The following SGTB variants were observed in gnomAD, a reference collection of about 807,000 sequenced individuals.
SGTB encodes the protein small glutamine rich tetratricopeptide repeat co-chaperone beta.
In SGTB, 19 loss-of-function variants were observed where a neutral mutation model predicts 43.9. The observed-to-expected ratio is 0.43, with a 90% CI of 0.30 to 0.63. The LOEUF (loss-of-function observed/expected upper bound fraction) is 0.63, where lower values mean the gene tolerates loss of function less well. Among genes scored for constraint, SGTB ranks in the 30% least tolerant of loss-of-function variants. SGTB has a pLI of 0.12. For synonymous variants in SGTB, 116 were observed against 117.3 expected (o/e 0.99, Z 0.07); for missense variants, 304 against 358.9 (o/e 0.85, Z 1.24).
chr5:65,688,145 G>T (rs572716322), intron 5 of SGTB, among the ~76,000 whole-genome samples: 1 of 152,228 alleles, frequency 6.6e-6, no homozygotes, highest in South Asian at 2.1e-4. Context: ...TGAGAGAAAA[G>T]GAGTTAATGG....
At chr5:65,702,173 T>C (rs1757838124) in intron 5 of SGTB, among the ~76,000 whole-genome samples, 1 of 152,140 alleles carries the variant, frequency 6.6e-6, no homozygotes, top group Non-Finnish European at 1.5e-5. Flanking sequence ...AACAGGGTTG[T>C]ACAGCAATCC....
intron 6 of SGTB, 60 bp from the exon 7 acceptor site, chr5:65,680,854 A>C: frequency 6.7e-7 from 1 of 1,495,900 alleles, no homozygotes; most frequent in Non-Finnish European, 9.1e-7. Context: ...AGGACATCAC[A>C]AACATCGTCA....
rs555914086 is a variant in SGTB, at chr5:65,698,155, C to A, written c.374+6124G>T. ...TGGCTAGGATGGTAATTTTCAATAT[C>A]TTGATAGAATTTTAGGTTATACAGG... On this transcript the variant is annotated intron_variant, in intron 5 of 10. Transcript: ENST00000381007. Among the ~76,000 whole-genome samples, 13 of 152,246 alleles carry A rather than the reference C, an allele frequency of 8.5e-5. No homozygotes were observed. In the South Asian group the frequency reaches 2.5e-3, roughly 29 times the overall value.
chr5:65,667,372 TAAC>T lies in SGTB; in HGVS notation c.*2871_*2873del, dbSNP rs1051951588. ...CTCAAGATAGTTATGCTAGAAACTT[TAAC>T]TTCTTATTCAACACTGAATATGAGT... On this transcript the variant is annotated 3_prime_UTR_variant, in exon 11 of 11. Coordinates refer to ENST00000381007, the MANE Select transcript of SGTB (RefSeq NM_019072.3). 16 of 152,350 alleles carry T rather than the reference TAAC, an allele frequency of 1.1e-4. No individual in the cohort carries two copies. Among genetic ancestry groups the T allele is most frequent in the African/African-American group, 3.1e-4 (13 of 41,578 alleles). The allele number at this position is 152,350 out of a possible 1,614,324, so 9.4% of individuals were successfully genotyped here. A position where few individuals can be genotyped will look rare whatever the true frequency, so the allele number is the denominator to read the frequency against.
chr5:65,700,451 G>A (rs1316644130), intron 5 of SGTB, among the ~76,000 whole-genome samples: 3 of 150,938 alleles, frequency 2.0e-5, no homozygotes, highest in African/African-American at 7.3e-5. Flanking sequence ...GGTGGATCAC[G>A]AGGTCAGGAG....
rs566667543 is a variant in SGTB, at chr5:65,697,890, G to C, written c.374+6389C>G. Among the ~76,000 whole-genome samples the C allele has an allele frequency of 3.4e-3, 523 of 152,226 alleles. 4 individuals are homozygous for C. Among genetic ancestry groups the C allele is most frequent in the African/African-American group, 0.012 (478 of 41,528 alleles). On this transcript the variant is annotated intron_variant, in intron 5 of 10. Transcript: ENST00000381007. ...TAGAATATTATTGATCAATAAAAAAGAATGAACTAATACATGCCACAACAT... is the reference window on the plus strand; with the variant it reads ...TAGAATATTATTGATCAATAAAAAACAATGAACTAATACATGCCACAACAT...
At chr5:65,720,979 A>T (rs1758262079) in intron 1 of SGTB, 150 bp from the exon 2 acceptor site, 2 of 829,078 alleles carry the variant, frequency 2.4e-6, no homozygotes, top group Non-Finnish European at 3.6e-6. Flanking sequence ...TTCTCTTTGT[A>T]AAGAGTCAGG....
chr5:65,699,045 A>G (rs932632063), intron 5 of SGTB, among the ~76,000 whole-genome samples: 35 of 147,326 alleles, frequency 2.4e-4, no homozygotes, highest in Non-Finnish European at 4.9e-4. Context: ...CCACCCAAAG[A>G]AAAAAAAATC....
intron 8 of SGTB, among the ~76,000 whole-genome samples, chr5:65,672,754 A>C (rs2150702166): frequency 6.6e-6 from 1 of 152,342 alleles, no homozygotes; most frequent in South Asian, 2.1e-4. Flanking sequence ...CTATTTTGAA[A>C]GCATCACATT....
intron 3 of SGTB, among the ~76,000 whole-genome samples, chr5:65,712,611 G>A (rs573128612): frequency 2.0e-5 from 3 of 152,176 alleles, no homozygotes; most frequent in South Asian, 2.1e-4. Flanking sequence ...TGTATTCCAC[G>A]TTTTAGGGAA....
chr5:65,691,201 A>G (rs955532406), intron 5 of SGTB, among the ~76,000 whole-genome samples: 6 of 152,290 alleles, frequency 3.9e-5, no homozygotes, highest in African/African-American at 1.2e-4. Flanking sequence ...CAAAAAATCA[A>G]TTTCCTAGCT....
chr5:65,671,456 A>C (rs1438247633), intron 10 of SGTB, among the ~76,000 whole-genome samples: 1 of 152,168 alleles, frequency 6.6e-6, no homozygotes, highest in Non-Finnish European at 1.5e-5. Flanking sequence ...TGAATGTGCT[A>C]TGGGTTCCTT....
At chr5:65,681,257 T>C (rs563808483) in intron 6 of SGTB, among the ~76,000 whole-genome samples, 2 of 152,108 alleles carry the variant, frequency 1.3e-5, no homozygotes, top group Admixed American at 6.6e-5. Flanking sequence ...ATATCAATTT[T>C]CCATTAAGAA....
chr5:65,698,187 T>C (rs1379902584), intron 5 of SGTB, among the ~76,000 whole-genome samples: 1 of 152,224 alleles, frequency 6.6e-6, no homozygotes, highest in African/African-American at 2.4e-5. Flanking sequence ...CAGGTGTATG[T>C]ATTTGTCAAA....
intron 5 of SGTB, among the ~76,000 whole-genome samples, chr5:65,689,141 T>C (rs562066534): frequency 6.6e-6 from 1 of 152,316 alleles, no homozygotes; most frequent in South Asian, 2.1e-4. Context: ...TAGTTAAAAT[T>C]TATCTTTAAT....
chr5:65,685,621 T>C, intron 5 of SGTB, 149 bp from the exon 6 acceptor site: 1 of 586,560 alleles, frequency 1.7e-6, no homozygotes, highest in East Asian at 2.8e-5. Context: ...GATAATTATG[T>C]AATAAAATGA....
Position 65,672,005 on chromosome 5 carries a change from T to C in SGTB, c.720-7A>G. The C allele has an allele frequency of 8.7e-6, 14 of 1,613,678 alleles. No individual in the cohort carries two copies. The highest frequency in any genetic ancestry group is 1.2e-5 in the Non-Finnish European group (14 of 1,179,766). On this transcript the variant is annotated splice_polypyrimidine_tract_variant and splice_region_variant and intron_variant, in intron 9 of 10. Coordinates refer to ENST00000381007, the MANE Select transcript of SGTB (RefSeq NM_019072.3). ...TGTCATCATTCCTGACATTCTAGAG[T>C]ACACAAGAAATACATCACTGGGATT...
intron 8 of SGTB, among the ~76,000 whole-genome samples, chr5:65,679,987 C>T (rs1269044694): frequency 6.6e-6 from 1 of 152,142 alleles, no homozygotes; most frequent in Non-Finnish European, 1.5e-5. Context: ...GCAGCCAAAA[C>T]AAGAAATAAG....
chr5:65,672,725 CA>C (rs1311187884), intron 8 of SGTB, among the ~76,000 whole-genome samples: 1 of 152,186 alleles, frequency 6.6e-6, no homozygotes, highest in Non-Finnish European at 1.5e-5. Flanking sequence ...TTTATGTGCA[CA>C]CATACTTTTA....
Sources: allele counts gnomAD v4.1 joint callset (sites outside exome capture counted in the v4.1 genomes callset), GRCh38; gene constraint gnomAD v4.1.1; transcripts MANE v1.5; gene names NCBI Gene and HGNC (gene_info 2026-07-23, HGNC 2026-07-21).